STX12: variants seen among roughly 807,000 people sequenced by gnomAD.
The protein encoded by STX12 is syntaxin-12.
In STX12, 17 loss-of-function variants were observed where a neutral mutation model predicts 42.2. The observed-to-expected ratio is 0.40, with a 90% CI of 0.28 to 0.60. The LOEUF (loss-of-function observed/expected upper bound fraction) is 0.60, where lower values mean the gene tolerates loss of function less well. STX12 is among the 20% of genes least tolerant of loss of function. The pLI is 0.39. For synonymous variants in STX12, 108 were observed against 116.7 expected (o/e 0.93, Z 0.48); for missense variants, 297 against 330.9 (o/e 0.90, Z 0.79).
At chr1:27,818,001 A>C in intron 7 of STX12, 78 bp downstream of exon 7, 1 of 1,234,670 alleles carries the variant, frequency 8.1e-7, no homozygotes, top group Non-Finnish European at 1.2e-6. Flanking sequence ...GCTACTCAGA[A>C]GGCTGAGGCT....
At chr1:27,802,029 A>G (rs2088831586) in intron 4 of STX12, 4 of 354,524 alleles carry the variant, frequency 1.1e-5, no homozygotes, top group Non-Finnish European at 2.0e-5. Context: ...AGGAAGAACT[A>G]TGTCTAATTT....
At chr1:27,795,266 A>G (rs940367510) in intron 3 of STX12, among the ~76,000 whole-genome samples, 6 of 151,966 alleles carry the variant, frequency 3.9e-5, no homozygotes. Flanking sequence ...TGTTTCATAC[A>G]TACATATGTG....
chr1:27,814,678 G>C (rs185569965), intron 6 of STX12, among the ~76,000 whole-genome samples: 2 of 151,860 alleles, frequency 1.3e-5, no homozygotes, highest in Admixed American at 1.3e-4. Flanking sequence ...GTAAAACCCC[G>C]TGTCTACTAA....
intron 1 of STX12, among the ~76,000 whole-genome samples, chr1:27,782,181 C>T (rs999789657): frequency 6.6e-6 from 1 of 152,108 alleles, no homozygotes; most frequent in Non-Finnish European, 1.5e-5. Context: ...CGTCATAGGT[C>T]ACTGCAACCT....
intron 1 of STX12, among the ~76,000 whole-genome samples, chr1:27,779,254 T>A (rs979340116): frequency 6.6e-6 from 1 of 152,214 alleles, no homozygotes; most frequent in Non-Finnish European, 1.5e-5. Context: ...AAGTCCTGTT[T>A]TTATTATACT....
At chr1:27,779,347 T>C (rs1035972805) in intron 1 of STX12, among the ~76,000 whole-genome samples, 1 of 145,958 alleles carries the variant, frequency 6.9e-6, no homozygotes, top group Admixed American at 6.7e-5. Flanking sequence ...TTTTTTGTTT[T>C]TTTTTGAGCC....
chr1:27,799,477 G>GTTTTGTTTTTTTTTTTTTTTTTTTTT (rs2088811521), intron 3 of STX12, among the ~76,000 whole-genome samples: 1 of 130,714 alleles, frequency 7.7e-6, no homozygotes, highest in African/African-American at 3.2e-5. Context: ...TCATTAGCTT[G>GTTTTGTTTTTTTTTTTTTTTTTTTTT]TTTTTTTTTT....
chr1:27,815,847 C>T (rs2088937447), intron 6 of STX12, among the ~76,000 whole-genome samples: 1 of 152,194 alleles, frequency 6.6e-6, no homozygotes, highest in South Asian at 2.1e-4. Context: ...GACAGGTTTC[C>T]ATTGTCTTTC....
At chr1:27,816,695 G>T (rs1453584018) in intron 6 of STX12, among the ~76,000 whole-genome samples, 1 of 151,144 alleles carries the variant, frequency 6.6e-6, no homozygotes, top group African/African-American at 2.4e-5. Context: ...CAAGGCAGTG[G>T]ATCACGATGT....
At chr1:27,795,068 A>G (rs2088774608) in intron 3 of STX12, among the ~76,000 whole-genome samples, 1 of 152,008 alleles carries the variant, frequency 6.6e-6, no homozygotes, top group South Asian at 2.1e-4. Context: ...ATAATGTCCT[A>G]TATCTGATGG....
rs370254927 is a variant in STX12 at position 27,822,338 on chromosome 1, G to A, written c.*9G>A. The A allele has an allele frequency of 1.8e-5, 29 of 1,570,138 alleles. No individual in the cohort carries two copies. The highest frequency in any genetic ancestry group is 1.0e-4 in the South Asian group (9 of 90,112). On this transcript the variant is annotated 3_prime_UTR_variant, in exon 9 of 9. Transcript: ENST00000373943. ...TTTATAAAACGAAGTGATTGCCTCC[G>A]ATCGTTCTCCCGCTGAGCTGTTTTC...
At chr1:27,795,285 G>T (rs1427986166) in intron 3 of STX12, among the ~76,000 whole-genome samples, 1 of 151,742 alleles carries the variant, frequency 6.6e-6, no homozygotes, top group Non-Finnish European at 1.5e-5. Context: ...TGTATGTATG[G>T]ATGGATCATG....
intron 1 of STX12, among the ~76,000 whole-genome samples, chr1:27,779,343 G>GTTTTTTTTGTTTGT (rs2088650567): frequency 6.9e-6 from 1 of 144,186 alleles, no homozygotes; most frequent in African/African-American, 2.6e-5. Context: ...GTTTTTTTTT[G>GTTTTTTTTGTTTGT]TTTTTTTTTG....
At chr1:27,814,678 G>A (rs185569965) in intron 6 of STX12, among the ~76,000 whole-genome samples, 180 of 151,976 alleles carry the variant, frequency 1.2e-3, no homozygotes, top group Non-Finnish European at 1.9e-3. Context: ...GTAAAACCCC[G>A]TGTCTACTAA....
At chr1:27,782,539 A>G (rs2088675300) in intron 1 of STX12, among the ~76,000 whole-genome samples, 1 of 151,964 alleles carries the variant, frequency 6.6e-6, no homozygotes. Flanking sequence ...TACAGTGGCT[A>G]TTTTTTAAAG....
At position 27,823,007 on chromosome 1, in the gene STX12, A is replaced by T. The variant is rs1338445033; in HGVS notation, c.*678A>T. On this transcript the variant is annotated 3_prime_UTR_variant, in exon 9 of 9. Transcript: ENST00000373943. ...CAGCAGTTCATCCTCATCCACACTA[A>T]GCCATCCTGTTAGCTTTTAAAGGAA... 6.6e-6 allele frequency: 1 copy of T among 152,232 alleles called. No homozygotes were observed. Among genetic ancestry groups the T allele is most frequent in the Non-Finnish European group, 1.5e-5 (1 of 68,036 alleles). The allele number at this position is 152,232 out of a possible 1,614,324, so 9.4% of individuals were successfully genotyped here. A position where few individuals can be genotyped will look rare whatever the true frequency, so the allele number is the denominator to read the frequency against.
intron 4 of STX12, among the ~76,000 whole-genome samples, chr1:27,803,856 C>T (rs1329045019): frequency 6.6e-6 from 1 of 151,798 alleles, no homozygotes; most frequent in African/African-American, 2.4e-5. Context: ...ACAAAATTAG[C>T]TGGGCGTGGT....
At chr1:27,781,200 C>T (rs553892423) in intron 1 of STX12, among the ~76,000 whole-genome samples, 7 of 151,944 alleles carry the variant, frequency 4.6e-5, no homozygotes, top group South Asian at 2.1e-4. Flanking sequence ...CATGCCACCA[C>T]GCCCAGCTAA....
intron 3 of STX12, among the ~76,000 whole-genome samples, chr1:27,794,414 A>G (rs921975122): frequency 4.6e-5 from 7 of 152,166 alleles, no homozygotes; most frequent in Non-Finnish European, 1.0e-4. Context: ...TTCTGTCATG[A>G]GTTATTCACA....
Sources: gnomAD v4.1 joint callset for allele counts (sites outside exome capture counted in the v4.1 genomes callset) on GRCh38, gnomAD v4.1.1 for gene constraint, MANE v1.5 for transcripts, NCBI Gene and HGNC (gene_info 2026-07-23, HGNC 2026-07-21) for gene names.